The following OPRM1 variants were observed in gnomAD, a reference collection of about 807,000 sequenced individuals.
OPRM1 encodes the protein mu-type opioid receptor.
Under a neutral mutation model 31.8 loss-of-function variants are expected in OPRM1, and 27 were observed. The ratio of observed to expected loss-of-function variants is 0.85; its 90% CI spans 0.63 to 1.17. The LOEUF (loss-of-function observed/expected upper bound fraction) is 1.17. Among genes scored for constraint, OPRM1 ranks in the 50% most tolerant of loss-of-function variants. The probability of loss-of-function intolerance (pLI) is 0.00; values close to 1 mark genes in which losing one functional copy is unlikely to be tolerated. For missense variants in OPRM1, 536 were observed against 511.1 expected, an observed-to-expected ratio of 1.05 and a Z score of -0.47; for synonymous variants, 196 against 189.9, an observed-to-expected ratio of 1.03 and a Z score of -0.26.
intron 1 of OPRM1, among the ~76,000 whole-genome samples, chr6:154,018,234 C>A (rs1215127700): frequency 1.3e-5 from 2 of 152,028 alleles, no homozygotes; most frequent in African/African-American, 4.8e-5. Flanking sequence ...GCCTGGCCAA[C>A]ATGGTGAAAC....
intron 1 of OPRM1, among the ~76,000 whole-genome samples, chr6:154,012,861 A>G (rs1223473246): frequency 6.6e-6 from 1 of 152,092 alleles, no homozygotes; most frequent in Non-Finnish European, 1.5e-5. Context: ...GTGTCTTCAC[A>G]TGACATACAC....
At chr6:154,200,094 A>G (rs539246157) in intron 3 of OPRM1, 211 of 1,468,502 alleles carry the variant, frequency 1.4e-4, no homozygotes, top group Middle Eastern at 1.9e-4. Context: ...TGATTAAACC[A>G]TCATTCTCTA....
At chr6:154,207,632 G>A (rs1037600794) in intron 3 of OPRM1, among the ~76,000 whole-genome samples, 6 of 151,978 alleles carry the variant, frequency 3.9e-5, no homozygotes, top group East Asian at 1.9e-4. Flanking sequence ...TGAACTCTGG[G>A]GCTCAAGCCA....
At chr6:154,138,392 C>T (rs1240668332) in intron 3 of OPRM1, among the ~76,000 whole-genome samples, 2 of 152,186 alleles carry the variant, frequency 1.3e-5, no homozygotes, top group Admixed American at 6.5e-5. Flanking sequence ...ATGTCTGGAA[C>T]CTGCTGCAGA....
chr6:154,228,001 C>T (rs1047067888), intron 3 of OPRM1, among the ~76,000 whole-genome samples: 5 of 151,582 alleles, frequency 3.3e-5, no homozygotes, highest in African/African-American at 1.2e-4. Flanking sequence ...AAAAAAATGC[C>T]TCAAAAATGA....
Position 154,075,513 on chromosome 6 carries a change from G to A in OPRM1, c.291-14313G>A, listed in dbSNP as rs550189529. Among the ~76,000 whole-genome samples, 385 of 149,804 alleles carry A rather than the reference G, an allele frequency of 2.6e-3. 2 individuals are homozygous for A. The highest frequency in any genetic ancestry group is 4.2e-3 in the Non-Finnish European group (287 of 67,758). ...TGCTCCCAGGCTGGAGTGCAGTGGC[G>A]CAATCTCGGCTGACTGCAACCTCCA... is the stretch of plus-strand genomic sequence containing the variant. On this transcript the variant is annotated intron_variant, in intron 1 of 3. Transcript: ENST00000330432.
intron 3 of OPRM1, among the ~76,000 whole-genome samples, chr6:154,191,372 G>A (rs908632469): frequency 1.3e-5 from 2 of 151,976 alleles, no homozygotes; most frequent in East Asian, 1.9e-4. Flanking sequence ...ATGACATAAC[G>A]ACATAAAGAG....
chr6:154,067,782 T>A (rs1785764259), intron 1 of OPRM1, among the ~76,000 whole-genome samples: 1 of 152,074 alleles, frequency 6.6e-6, no homozygotes, highest in Non-Finnish European at 1.5e-5. Context: ...TTCAATTCTG[T>A]CCACTTTTGC....
intron 3 of OPRM1, among the ~76,000 whole-genome samples, chr6:154,239,321 A>T (rs548129217): frequency 2.6e-5 from 4 of 152,382 alleles, no homozygotes; most frequent in African/African-American, 7.2e-5. Context: ...TTAGAAATAC[A>T]TTCAAGGATC....
At chr6:154,165,612 G>C (rs532984440) in intron 3 of OPRM1, among the ~76,000 whole-genome samples, 45 of 152,346 alleles carry the variant, frequency 3.0e-4, no homozygotes, top group African/African-American at 1.1e-3. Flanking sequence ...AGAAAGAGCA[G>C]TTCCCTAGCT....
At chr6:154,039,008 G>T (rs939537773), upstream of OPRM1, 10 of 830,852 alleles carry the variant, frequency 1.2e-5, no homozygotes, top group East Asian at 2.8e-4. Context: ...GGGCTGTTAG[G>T]GTTTCATCAA....
At chr6:154,239,950 C>A (rs540768616) in intron 3 of OPRM1, among the ~76,000 whole-genome samples, 4 of 152,308 alleles carry the variant, frequency 2.6e-5, no homozygotes, top group African/African-American at 9.6e-5. Flanking sequence ...GATCTGCCCA[C>A]CTCAGCCACC....
intron 3 of OPRM1, among the ~76,000 whole-genome samples, chr6:154,239,713 T>A (rs1780422785): frequency 1.6e-5 from 1 of 60,654 alleles, no homozygotes; most frequent in Non-Finnish European, 4.4e-5. Context: ...TGAAGAAACT[T>A]TTTTTTTTGA....
At chr6:154,016,966 C>T (rs1306995212) in intron 1 of OPRM1, among the ~76,000 whole-genome samples, 2 of 152,132 alleles carry the variant, frequency 1.3e-5, no homozygotes, top group Non-Finnish European at 2.9e-5. Flanking sequence ...GGGTTTGTTC[C>T]CTTAATGGAT....
upstream of OPRM1, among the ~76,000 whole-genome samples, chr6:154,035,629 C>G (rs1373648637): frequency 3.3e-5 from 5 of 152,082 alleles, no homozygotes; most frequent in Admixed American, 1.3e-4. Context: ...TCAACAGAAT[C>G]AGGACTAAGC....
At chr6:154,235,166 A>G (rs1368069683) in intron 3 of OPRM1, among the ~76,000 whole-genome samples, 1 of 152,220 alleles carries the variant, frequency 6.6e-6, no homozygotes, top group Non-Finnish European at 1.5e-5. Context: ...ACGAGTTGGG[A>G]GAAGAATAGA....
chr6:154,068,240 C>T (rs1390695358), intron 1 of OPRM1, among the ~76,000 whole-genome samples: 1 of 152,088 alleles, frequency 6.6e-6, no homozygotes, highest in East Asian at 1.9e-4. Flanking sequence ...ACAACATTCA[C>T]TCTCAGCATT....
At chr6:154,109,172 A>C (rs1796034843) in intron 3 of OPRM1, among the ~76,000 whole-genome samples, 1 of 152,248 alleles carries the variant, frequency 6.6e-6, no homozygotes, top group Admixed American at 6.5e-5. Flanking sequence ...GAATTAAAAT[A>C]ATTGCTCATG....
intron 3 of OPRM1, among the ~76,000 whole-genome samples, chr6:154,103,123 G>A (rs1583559315): frequency 6.6e-6 from 1 of 152,184 alleles, no homozygotes; most frequent in South Asian, 2.1e-4. Flanking sequence ...ATCTCATGGC[G>A]ATATTAAAAC....
Sources: allele counts gnomAD v4.1 joint callset (sites outside exome capture counted in the v4.1 genomes callset), GRCh38; gene constraint gnomAD v4.1.1; transcripts MANE v1.5; gene names NCBI Gene and HGNC (gene_info 2026-07-23, HGNC 2026-07-21).